TAS2R1: variants seen among roughly 807,000 people sequenced by gnomAD.
TAS2R1 encodes the protein taste receptor type 2 member 1.
For missense variants in TAS2R1, 370 were observed against 353.4 expected (o/e 1.05, Z -0.38); for synonymous variants, 141 against 134.2 (o/e 1.05, Z -0.35).
rs139351770 is a variant in TAS2R1 at position 9,689,614 on chromosome 5, G to A, written c.-242+22558C>T. Among the ~76,000 whole-genome samples the A allele has an allele frequency of 2.5e-3, 385 of 152,032 alleles. 2 individuals carry two copies. Among genetic ancestry groups the A allele is most frequent in the African/African-American group, 8.7e-3 (362 of 41,438 alleles). On this transcript the variant is annotated intron_variant, in intron 1 of 2. Coordinates refer to the TAS2R1 transcript ENST00000506620. ...TTCTTCCACAGATTTTTATCACAAT[G>A]TAATACATTTTTCAGGCTTGAGAGT...
chr5:9,747,812 C>CTT, the TAS2R1 span, among the ~76,000 whole-genome samples: 2,404 of 146,162 alleles, frequency 0.016, 53 homozygotes, highest in African/African-American at 0.053. Flanking sequence ...AGATTTGTAA[C>CTT]TTTTTTTTTT....
At chr5:9,723,933 T>C in the TAS2R1 span, among the ~76,000 whole-genome samples, 1 of 152,220 alleles carries the variant, frequency 6.6e-6, no homozygotes, top group African/African-American at 2.4e-5. Flanking sequence ...TTGTTCTTCC[T>C]CATTGTTCCT....
chr5:9,764,122 G>A, the TAS2R1 span, among the ~76,000 whole-genome samples: 2 of 152,196 alleles, frequency 1.3e-5, no homozygotes, highest in African/African-American at 4.8e-5. Flanking sequence ...CAGAAAGACA[G>A]ACTATTTGAA....
At chr5:9,667,370 CT>C (rs1561373673) in intron 1 of TAS2R1, among the ~76,000 whole-genome samples, 3 of 152,138 alleles carry the variant, frequency 2.0e-5, no homozygotes, top group Non-Finnish European at 4.4e-5. Context: ...AGGGTACAGC[CT>C]CCTGTTGCCC....
chr5:9,868,173 T>C, the TAS2R1 span, among the ~76,000 whole-genome samples: 4 of 152,208 alleles, frequency 2.6e-5, no homozygotes, highest in Non-Finnish European at 5.9e-5. Context: ...GGAGGTCTCT[T>C]CTCACAGCTC....
At chr5:9,716,160 T>G (rs2126536685), upstream of TAS2R1, among the ~76,000 whole-genome samples, 1 of 152,250 alleles carries the variant, frequency 6.6e-6, no homozygotes, top group African/African-American at 2.4e-5. Flanking sequence ...CTGGAGAAAC[T>G]TCAACCAGCC....
chr5:9,715,518 A>G (rs1233023993), upstream of TAS2R1, among the ~76,000 whole-genome samples: 1 of 152,370 alleles, frequency 6.6e-6, no homozygotes, highest in East Asian at 1.9e-4. Context: ...GCCACTAGGC[A>G]ACCACAAAGG....
intron 1 of TAS2R1, among the ~76,000 whole-genome samples, chr5:9,693,786 G>A (rs142625681): frequency 5.9e-5 from 9 of 152,100 alleles, no homozygotes; most frequent in African/African-American, 1.9e-4. Flanking sequence ...AAAAAAATAG[G>A]TATATCACAC....
the TAS2R1 span, among the ~76,000 whole-genome samples, chr5:9,893,766 A>G: frequency 2.0e-5 from 3 of 151,774 alleles, no homozygotes; most frequent in Admixed American, 6.5e-5. Context: ...GAAACAACAT[A>G]GATTCTTGTG....
At chr5:9,672,680 G>A (rs975361633) in intron 1 of TAS2R1, among the ~76,000 whole-genome samples, 2 of 152,142 alleles carry the variant, frequency 1.3e-5, no homozygotes, top group Admixed American at 6.6e-5. Flanking sequence ...TATACTGCTG[G>A]TTGAAATGTA....
chr5:9,829,348 G>A, the TAS2R1 span, among the ~76,000 whole-genome samples: 1 of 152,150 alleles, frequency 6.6e-6, no homozygotes, highest in African/African-American at 2.4e-5. Context: ...ACCATGGCAG[G>A]TGGGAGACAC....
the TAS2R1 span, among the ~76,000 whole-genome samples, chr5:9,873,408 C>CTTTT: frequency 1.4e-5 from 2 of 143,734 alleles, no homozygotes; most frequent in African/African-American, 5.1e-5. Flanking sequence ...AAGACCAGGC[C>CTTTT]TTTTTTTTTT....
the TAS2R1 span, among the ~76,000 whole-genome samples, chr5:9,897,531 G>A: frequency 2.0e-5 from 3 of 152,222 alleles, no homozygotes; most frequent in South Asian, 2.1e-4. Context: ...TACTGTGTGT[G>A]TAAGTTTAGG....
chr5:9,843,738 G>C, the TAS2R1 span, among the ~76,000 whole-genome samples: 1 of 152,188 alleles, frequency 6.6e-6, no homozygotes, highest in South Asian at 2.1e-4. Context: ...ACCAGAATAT[G>C]ACCCCAGTAG....
At chr5:9,711,689 A>T (rs1321213037) in intron 1 of TAS2R1, among the ~76,000 whole-genome samples, 1 of 152,152 alleles carries the variant, frequency 6.6e-6, no homozygotes, top group Admixed American at 6.5e-5. Flanking sequence ...ATTTTCTGAA[A>T]TGGAGTCTCA....
chr5:9,866,914 C>T, the TAS2R1 span, among the ~76,000 whole-genome samples: 6 of 152,312 alleles, frequency 3.9e-5, no homozygotes, highest in Middle Eastern at 3.4e-3. Flanking sequence ...AAATATGTGT[C>T]TATACCTGTG....
At chr5:9,896,000 A>G in the TAS2R1 span, among the ~76,000 whole-genome samples, 5 of 152,356 alleles carry the variant, frequency 3.3e-5, no homozygotes, top group East Asian at 7.7e-4. Flanking sequence ...TAAAATTTCT[A>G]TGATGAATGT....
At chr5:9,861,738 G>A in the TAS2R1 span, among the ~76,000 whole-genome samples, 3 of 152,122 alleles carry the variant, frequency 2.0e-5, no homozygotes, top group African/African-American at 4.8e-5. Context: ...GTACCCTCTC[G>A]CAGGACTTCT....
chr5:9,853,594 T>C, the TAS2R1 span, among the ~76,000 whole-genome samples: 1 of 152,118 alleles, frequency 6.6e-6, no homozygotes, highest in Non-Finnish European at 1.5e-5. Context: ...ATTCAGCCAG[T>C]CTTTAATCTG....
Sources: gnomAD v4.1 joint callset for allele counts (sites outside exome capture counted in the v4.1 genomes callset) on GRCh38, gnomAD v4.1.1 for gene constraint, MANE v1.5 for transcripts, NCBI Gene and HGNC (gene_info 2026-07-23, HGNC 2026-07-21) for gene names.